DMD: variants seen among roughly 807,000 people sequenced by gnomAD.
DMD encodes dystrophin.
Under a neutral mutation model 330.1 loss-of-function variants are expected in DMD, and 63 were observed. The observed-to-expected ratio is 0.19, with a 90% CI of 0.16 to 0.24. The LOEUF is 0.24. DMD is among the 10% of genes least tolerant of loss of function. The pLI is 1.00. For missense variants in DMD, 3,344 were observed against 2,684.1 expected, an observed-to-expected ratio of 1.25 and a Z score of -5.43; for synonymous variants, 1,223 against 959.8, an observed-to-expected ratio of 1.27 and a Z score of -5.07.
chrX:31,351,500 C>G (rs1317742488), intron 60 of DMD, among the ~76,000 whole-genome samples: 1 of 109,458 alleles, frequency 9.1e-6, no homozygotes, highest in East Asian at 2.9e-4. Flanking sequence ...CCGAGGCAGG[C>G]GGATCACTTG....
chrX:31,409,543 C>T (rs1460731321), intron 60 of DMD, among the ~76,000 whole-genome samples: 3 of 112,067 alleles, frequency 2.7e-5, no homozygotes, highest in Non-Finnish European at 5.6e-5. Flanking sequence ...TTTGAAAATG[C>T]TCAGTCAACT....
intron 54 of DMD, among the ~76,000 whole-genome samples, chrX:31,646,637 C>G (rs1045932689): frequency 1.8e-5 from 2 of 111,830 alleles, no homozygotes; most frequent in Admixed American, 1.9e-4. Flanking sequence ...CAGCTCACAG[C>G]TGCCTCCCTC....
At position 33,010,003 on chromosome X, in the gene DMD, T is replaced by TATGTGTATATACACATATGTGTGTAC. The variant is rs2093638127; in HGVS notation, c.93+10110_93+10135dup. ...ACACATGTGTGTATATACACGTATG[T>TATGTGTATATACACATATGTGTGTAC]ATGTGTATATACACATATGTGTGTA... On this transcript the variant is annotated intron_variant, in intron 2 of 78. Transcript: ENST00000357033. Among the ~76,000 whole-genome samples, 2 of 70,011 alleles carry TATGTGTATATACACATATGTGTGTAC rather than the reference T, an allele frequency of 2.9e-5. 1 individual carries two copies. The highest frequency in any genetic ancestry group is 3.0e-4 in the Admixed American group (2 of 6,561). 60.8% of individuals were successfully genotyped at this position (70,011 alleles called of 115,157 possible).
At chrX:32,157,644 T>C (rs1432965101) in intron 44 of DMD, among the ~76,000 whole-genome samples, 1 of 112,188 alleles carries the variant, frequency 8.9e-6, no homozygotes, top group African/African-American at 3.2e-5. Context: ...TTCCCGACTC[T>C]CTAACTGCAG....
At chrX:32,269,503 A>G (rs187570081) in intron 43 of DMD, among the ~76,000 whole-genome samples, 1 of 111,381 alleles carries the variant, frequency 9.0e-6, no homozygotes, top group East Asian at 2.8e-4. Context: ...CCTTGGTCGA[A>G]TTCTTTCTTC....
chrX:32,603,081 T>C (rs987930029), intron 12 of DMD, among the ~76,000 whole-genome samples: 2 of 111,188 alleles, frequency 1.8e-5, no homozygotes, highest in African/African-American at 6.5e-5. Context: ...CATCTGCACG[T>C]GGATCATTAT....
intron 44 of DMD, among the ~76,000 whole-genome samples, chrX:32,047,981 G>C (rs1055547167): frequency 2.8e-5 from 3 of 106,421 alleles, no homozygotes; most frequent in Middle Eastern, 4.3e-3. Context: ...GAGTGGTCCC[G>C]CCTCCTAATA....
At chrX:33,256,281 T>A (rs900905764) in intron 1 of DMD, among the ~76,000 whole-genome samples, 3 of 110,918 alleles carry the variant, frequency 2.7e-5, no homozygotes, top group African/African-American at 9.7e-5. Context: ...AGGGACAATT[T>A]CATGTCAAAA....
At chrX:32,808,730 G>A (rs1435980280) in intron 7 of DMD, among the ~76,000 whole-genome samples, 1 of 111,713 alleles carries the variant, frequency 9.0e-6, no homozygotes, top group Non-Finnish European at 1.9e-5. Flanking sequence ...CAATCCCACC[G>A]ATTTCACTTT....
intron 52 of DMD, among the ~76,000 whole-genome samples, chrX:31,684,688 C>T (rs1049183626): frequency 2.7e-5 from 3 of 112,112 alleles, no homozygotes; most frequent in Middle Eastern, 4.6e-3. Flanking sequence ...CTGCAGTATC[C>T]TGATATCCAT....
chrX:33,329,493 T>A (rs2054138742), intron 1 of DMD, among the ~76,000 whole-genome samples: 1 of 112,085 alleles, frequency 8.9e-6, no homozygotes, highest in Admixed American at 9.5e-5. Context: ...AGTTCACAAA[T>A]GGAATCAATT....
chrX:31,866,681 A>C (rs1217549831), intron 48 of DMD, among the ~76,000 whole-genome samples: 1 of 112,442 alleles, frequency 8.9e-6, no homozygotes, highest in African/African-American at 3.2e-5. Context: ...TATAATCAAT[A>C]TATGTAAATA....
intron 29 of DMD, among the ~76,000 whole-genome samples, chrX:32,435,780 C>T (rs758742682): frequency 4.1e-4 from 46 of 111,147 alleles, no homozygotes; most frequent in African/African-American, 1.4e-3. Context: ...CCTCATCCAC[C>T]CCACTTTACC....
chrX:31,522,363 C>CTCTCTCTCTATA, intron 55 of DMD, among the ~76,000 whole-genome samples: 9 of 35,962 alleles, frequency 2.5e-4, no homozygotes, highest in East Asian at 9.7e-4. Context: ...CTCTCTCTCT[C>CTCTCTCTCTATA]TATATATATA....
At chrX:32,393,792 G>A (rs759698183) in intron 30 of DMD, among the ~76,000 whole-genome samples, 4 of 110,885 alleles carry the variant, frequency 3.6e-5, no homozygotes, top group Non-Finnish European at 3.8e-5. Context: ...CTAGAAAAGA[G>A]AGAAAATCTC....
intron 51 of DMD, among the ~76,000 whole-genome samples, chrX:31,742,785 G>A (rs1301511935): frequency 9.0e-6 from 1 of 111,384 alleles, no homozygotes; most frequent in African/African-American, 3.3e-5. Flanking sequence ...CATCAGACTT[G>A]GGAAAGAATT....
chrX:32,014,516 T>C (rs1201117938), intron 44 of DMD, among the ~76,000 whole-genome samples: 4 of 111,626 alleles, frequency 3.6e-5, no homozygotes, highest in Non-Finnish European at 7.5e-5. Context: ...ACCATTATGC[T>C]CCCTTTAGCT....
chrX:32,746,708 G>A (rs1205047890), intron 7 of DMD, among the ~76,000 whole-genome samples: 1 of 111,865 alleles, frequency 8.9e-6, no homozygotes, highest in Non-Finnish European at 1.9e-5. Flanking sequence ...GTGTTGGGAA[G>A]TTTCAAAATC....
intron 55 of DMD, among the ~76,000 whole-genome samples, chrX:31,511,274 T>C (rs1449454362): frequency 9.2e-6 from 1 of 108,352 alleles, no homozygotes; most frequent in Non-Finnish European, 1.9e-5. Flanking sequence ...TAACATAATA[T>C]AATACTACCA....
Sources: gnomAD v4.1 joint callset for allele counts (sites outside exome capture counted in the v4.1 genomes callset) on GRCh38, gnomAD v4.1.1 for gene constraint, MANE v1.5 for transcripts, NCBI Gene and HGNC (gene_info 2026-07-23, HGNC 2026-07-21) for gene names.